The following AGAP1 variants were observed in gnomAD, a reference collection of about 807,000 sequenced individuals.
The protein encoded by AGAP1 is arf-GAP with GTPase, ANK repeat and PH domain-containing protein 1.
In AGAP1, 29 loss-of-function variants were observed where a neutral mutation model predicts 105.3. The ratio of observed to expected loss-of-function variants is 0.28; its 90% confidence interval spans 0.21 to 0.38. The LOEUF (loss-of-function observed/expected upper bound fraction) is 0.38, where lower values mean the gene tolerates loss of function less well. AGAP1 is among the 10% of genes least tolerant of loss of function. AGAP1 has a pLI of 1.00. For synonymous variants in AGAP1, 509 were observed against 485.9 expected, an observed-to-expected ratio of 1.05 and a Z score of -0.63; for missense variants, 998 against 1,165.1, an observed-to-expected ratio of 0.86 and a Z score of 2.09.
chr2:236,007,409 T>C (rs1402558998), intron 13 of AGAP1, among the ~76,000 whole-genome samples: 1 of 152,228 alleles, frequency 6.6e-6, no homozygotes, highest in Non-Finnish European at 1.5e-5. Flanking sequence ...ACTACAAAGA[T>C]GGCAGATCAA....
Position 235,733,801 on chromosome 2 carries a change from C to G in AGAP1, c.311-7162C>G, listed in dbSNP as rs1161743882. On this transcript the variant is annotated intron_variant, in intron 3 of 17. Transcript: ENST00000304032. This position sits in a 1 kb window ranked among gnomAD's most constrained non-coding sequence, Gnocchi z 5.0. ...CAGGGTCCTCACTCACTGCTGGTAC[C>G]TTTGTGTAGTAGTTACTTTGTATTT... Among the ~76,000 whole-genome samples, 1 of 151,856 alleles carries G rather than the reference C, an allele frequency of 6.6e-6. No individual in the cohort carries two copies. The highest frequency in any genetic ancestry group is 1.5e-5 in the Non-Finnish European group (1 of 68,020).
At chr2:235,820,023 C>G in intron 9 of AGAP1, among the ~76,000 whole-genome samples, 1 of 151,598 alleles carries the variant, frequency 6.6e-6, no homozygotes. Context: ...TTTGCCTCAG[C>G]CTCCCGGCTA....
chr2:235,603,798 C>T (rs1247611388), intron 1 of AGAP1, among the ~76,000 whole-genome samples: 5 of 152,096 alleles, frequency 3.3e-5, no homozygotes, highest in Admixed American at 6.6e-5. Context: ...GTAAGTGTTT[C>T]GGTTATGCAA....
chr2:235,676,329 G>A (rs75819319), intron 1 of AGAP1, among the ~76,000 whole-genome samples: 1,835 of 152,318 alleles, frequency 0.012, 29 homozygotes, highest in African/African-American at 0.039. Flanking sequence ...CATGAAGCAC[G>A]TATCATTCCT....
chr2:235,637,864 G>T (rs932832041), intron 1 of AGAP1, among the ~76,000 whole-genome samples: 1 of 152,164 alleles, frequency 6.6e-6, no homozygotes. Context: ...GAGCTCTGAT[G>T]TCCGAGTGCA....
rs575041046 is a variant in AGAP1, at chr2:235,981,844, C to T, written c.1645+13221C>T. 6.6e-6 allele frequency among the ~76,000 whole-genome samples: 1 copy of T among 152,338 alleles called. No individual in the cohort carries two copies. Among genetic ancestry groups the T allele is most frequent in the East Asian group, 1.9e-4 (1 of 5,184 alleles). ...GGGCAGCAGTGCTCGCCGCCTCTAA[C>T]ACATCTCCACGGTGACCTTCCCTTC... On this transcript the variant is annotated intron_variant, in intron 13 of 17. Coordinates refer to ENST00000304032, the MANE Select transcript of AGAP1 (RefSeq NM_001037131.3). The surrounding 1 kb of genome is among the most constrained non-coding windows in gnomAD (Gnocchi z 5.5).
intron 1 of AGAP1, among the ~76,000 whole-genome samples, chr2:235,697,648 A>T: frequency 6.6e-6 from 1 of 152,184 alleles, no homozygotes; most frequent in East Asian, 1.9e-4. Context: ...GAGTGAGTTA[A>T]TTCTGATTGC....
intron 6 of AGAP1, among the ~76,000 whole-genome samples, chr2:235,786,958 A>G (rs1276330270): frequency 6.6e-6 from 1 of 152,020 alleles, no homozygotes; most frequent in Non-Finnish European, 1.5e-5. Flanking sequence ...ACCTTTTCCC[A>G]GCATATGCTA....
chr2:235,878,789 G>A (rs2049870122), intron 9 of AGAP1, among the ~76,000 whole-genome samples: 1 of 152,204 alleles, frequency 6.6e-6, no homozygotes, highest in Admixed American at 6.5e-5. Flanking sequence ...TTGGGAATTG[G>A]GGATACCCTC....
At chr2:235,516,903 G>A (rs1428942262) in intron 1 of AGAP1, among the ~76,000 whole-genome samples, 1 of 152,236 alleles carries the variant, frequency 6.6e-6, no homozygotes, top group Non-Finnish European at 1.5e-5. Flanking sequence ...CCATGCAGAT[G>A]TTATTGATGG....
At chr2:235,738,619 G>A (rs1324467415) in intron 3 of AGAP1, among the ~76,000 whole-genome samples, 3 of 150,936 alleles carry the variant, frequency 2.0e-5, no homozygotes, top group South Asian at 2.1e-4. Flanking sequence ...GTGCAGTGGC[G>A]CAATCTCGGC....
At chr2:236,112,741 T>C (rs923483536) in intron 16 of AGAP1, among the ~76,000 whole-genome samples, 4 of 152,224 alleles carry the variant, frequency 2.6e-5, no homozygotes, top group Non-Finnish European at 5.9e-5. Context: ...TCCCGCTCTC[T>C]CAGTCTGGTC....
At chr2:235,806,957 C>G (rs1434999543) in intron 8 of AGAP1, among the ~76,000 whole-genome samples, 1 of 152,022 alleles carries the variant, frequency 6.6e-6, no homozygotes, top group African/African-American at 2.4e-5. Context: ...CCCATATGGC[C>G]CATTGGTTTC....
In AGAP1 at chr2:235,663,733, C is replaced by G. The variant is rs940961333; in HGVS notation, c.164-45446C>G. Among the ~76,000 whole-genome samples the G allele has an allele frequency of 8.5e-5, 13 of 152,134 alleles. No homozygotes were observed. Among genetic ancestry groups the G allele is most frequent in the African/African-American group, 2.7e-4 (11 of 41,436 alleles). On this transcript the variant is annotated intron_variant, in intron 1 of 17. Transcript: ENST00000304032. This position sits in a 1 kb window ranked among gnomAD's most constrained non-coding sequence, Gnocchi z 5.4. ...CTCTGACAGTTCGTGATATTCGTTC[C>G]TACTCCAGGAAGCTCTTAGGAGAAT...
chr2:235,699,909 C>T (rs1012359403), intron 1 of AGAP1, among the ~76,000 whole-genome samples: 1 of 152,182 alleles, frequency 6.6e-6, no homozygotes. Context: ...GTTTTGGAGG[C>T]AACCTCAGGC....
At chr2:236,017,292 C>CAAAAAAAAAAAAAA (rs1202844758) in intron 13 of AGAP1, among the ~76,000 whole-genome samples, 1 of 104,500 alleles carries the variant, frequency 9.6e-6, no homozygotes, top group Non-Finnish European at 2.1e-5. Flanking sequence ...GACTCCATCT[C>CAAAAAAAAAAAAAA]AAAAAAAAAA....
At chr2:236,091,804 A>G (rs962538278) in intron 16 of AGAP1, among the ~76,000 whole-genome samples, 1 of 152,218 alleles carries the variant, frequency 6.6e-6, no homozygotes, top group Non-Finnish European at 1.5e-5. Context: ...GGTTTACACA[A>G]AAACCTGTAT....
Position 236,040,123 on chromosome 2 carries a change from T to TA in AGAP1, c.1801-626dup, listed in dbSNP as rs1553553506. 6.6e-6 allele frequency among the ~76,000 whole-genome samples: 1 copy of TA among 151,782 alleles called. No homozygotes were observed. The highest frequency in any genetic ancestry group is 6.6e-5 in the Admixed American group (1 of 15,242). On this transcript the variant is annotated intron_variant, in intron 14 of 17. Coordinates refer to ENST00000304032, the MANE Select transcript of AGAP1 (RefSeq NM_001037131.3). The surrounding 1 kb of genome is among the most constrained non-coding windows in gnomAD (Gnocchi z 5.6). ...GAGACACTGGCTCAAAAAATAATAA[T>TA]AATAAATAAATAAATAAAAATAAAG... is the stretch of plus-strand genomic sequence containing the variant.
intron 1 of AGAP1, among the ~76,000 whole-genome samples, chr2:235,672,050 A>C (rs1442752364): frequency 7.8e-6 from 1 of 128,410 alleles, no homozygotes; most frequent in African/African-American, 4.3e-5. Context: ...TTTTACCACC[A>C]AAAAAAAAAA....
Sources: gnomAD v4.1 joint callset for allele counts (sites outside exome capture counted in the v4.1 genomes callset) on GRCh38, gnomAD v4.1.1 for gene constraint, Gnocchi (gnomAD v3.1) non-coding constraint, MANE v1.5 for transcripts, NCBI Gene and HGNC (gene_info 2026-07-23, HGNC 2026-07-21) for gene names.